NAXD: variants seen among roughly 807,000 people sequenced by gnomAD.
The protein encoded by NAXD is ATP-dependent (S)-NAD(P)H-hydrate dehydratase.
In NAXD, 22 loss-of-function variants were observed where a neutral mutation model predicts 35.8. The ratio of observed to expected loss-of-function variants is 0.62; its 90% CI spans 0.44 to 0.88. The LOEUF (loss-of-function observed/expected upper bound fraction) is 0.88. Ranked by LOEUF, NAXD falls within the 40% of genes least tolerant of loss-of-function variation. The pLI is 0.00. For missense variants in NAXD, 428 were observed against 437.7 expected, an observed-to-expected ratio of 0.98 and a Z score of 0.20; for synonymous variants, 189 against 177.6, an observed-to-expected ratio of 1.06 and a Z score of -0.51.
chr13:110,632,429 C>G (rs529149771), intron 5 of NAXD, among the ~76,000 whole-genome samples: 1 of 152,194 alleles, frequency 6.6e-6, no homozygotes, highest in Non-Finnish European at 1.5e-5. Context: ...CCAATGCTGG[C>G]TCGGGCAGCC....
At chr13:110,632,979 C>T (rs371162) in intron 5 of NAXD, among the ~76,000 whole-genome samples, 32,694 of 152,120 alleles carry the variant, frequency 0.21, 4,267 homozygotes, top group African/African-American at 0.37. Context: ...CAGTGGATCC[C>T]GCACCAGGGC....
At chr13:110,615,793 C>T in intron 1 of NAXD, 146 bp downstream of exon 1, 1 of 1,327,134 alleles carries the variant, frequency 7.5e-7, no homozygotes, top group Non-Finnish European at 9.6e-7. Flanking sequence ...CCGCTGACCG[C>T]CTCTGCTGGC....
chr13:110,634,800 G>C, intron 7 of NAXD, 24 bp downstream of exon 7: 1 of 1,564,990 alleles, frequency 6.4e-7, no homozygotes, highest in Non-Finnish European at 8.8e-7. Flanking sequence ...CCCCCTGGAG[G>C]GTAGATGCAA....
intron 1 of NAXD, among the ~76,000 whole-genome samples, chr13:110,620,075 A>C (rs978012436): frequency 6.6e-6 from 1 of 151,996 alleles, no homozygotes; most frequent in Non-Finnish European, 1.5e-5. Flanking sequence ...CTGAGATTAC[A>C]GCGGGGAGCC....
At chr13:110,630,868 T>C (rs1326779248) in intron 5 of NAXD, among the ~76,000 whole-genome samples, 2 of 152,222 alleles carry the variant, frequency 1.3e-5, no homozygotes, top group Non-Finnish European at 2.9e-5. Context: ...TGTTGATCTG[T>C]ACAGCTGTCC....
Position 110,628,015 on chromosome 13 carries a change from A to C in NAXD, c.441+468A>C, listed in dbSNP as rs1474797832. ...GACACGGGCCTGCTTGTCCGTGCCCACATGCATATGCGCATGGACTCTCAT... is the reference window on the plus strand; with the variant it reads ...GACACGGGCCTGCTTGTCCGTGCCCCCATGCATATGCGCATGGACTCTCAT... On this transcript the variant is annotated intron_variant, in intron 5 of 9. Coordinates refer to ENST00000680254, the MANE Select transcript of NAXD (RefSeq NM_001242882.2). This position sits in a 1 kb window ranked among gnomAD's most constrained non-coding sequence, Gnocchi z 4.1. Among the ~76,000 whole-genome samples, 1 of 152,198 alleles carries C rather than the reference A, an allele frequency of 6.6e-6. No homozygotes were observed. Among genetic ancestry groups the C allele is most frequent in the Non-Finnish European group, 1.5e-5 (1 of 68,028 alleles).
Position 110,627,447 on chromosome 13 carries a change from C to T in NAXD, c.341C>T (p.Pro114Leu). 1 of 1,612,698 alleles carries T rather than the reference C, an allele frequency of 6.2e-7. No homozygotes were observed. Among genetic ancestry groups the T allele is most frequent in the Non-Finnish European group, 8.5e-7 (1 of 1,178,732 alleles). The change falls in exon 5 of 10, where the codon CCC becomes CTC. Residue 114 changes from proline (P) to leucine (L), a missense_variant. Physicochemically the swap from Pro to Leu is moderately conservative, Grantham distance 98. Coordinates refer to ENST00000680254, the MANE Select transcript of NAXD (RefSeq NM_001242882.2). ...ELIVHPVLDSPNAVHEVEKWL... is the reference protein window; with the variant it reads ...ELIVHPVLDSLNAVHEVEKWL... ...TTCCTTTCCTTCTTTAGTGACAGCC[C>T]CAATGCTGTTCATGAGGTGGAGAAG...
intron 4 of NAXD, among the ~76,000 whole-genome samples, chr13:110,625,782 GA>G (rs1457265444): frequency 5.3e-5 from 8 of 152,264 alleles, no homozygotes; most frequent in African/African-American, 1.9e-4. Flanking sequence ...CTGAGGGCTT[GA>G]AATGTGGCTG....
chr13:110,626,593 A>T (rs924652970), intron 4 of NAXD, among the ~76,000 whole-genome samples: 9 of 152,112 alleles, frequency 5.9e-5, no homozygotes, highest in African/African-American at 1.4e-4. Context: ...TGGCACTCAG[A>T]TGCTGGGAGC....
intron 7 of NAXD, among the ~76,000 whole-genome samples, chr13:110,634,992 G>T (rs1886869054): frequency 6.6e-6 from 1 of 152,096 alleles, no homozygotes. Flanking sequence ...ACTCGGGTCA[G>T]TCAGCCCCTC....
rs765861319 is a variant in NAXD, at chr13:110,634,805, A to C, written c.597+29A>C. On this transcript the variant is annotated intron_variant, in intron 7 of 9. Coordinates refer to ENST00000680254, the MANE Select transcript of NAXD (RefSeq NM_001242882.2). ...AGTCAGTGGACCCCCTGGAGGGTAG[A>C]TGCAAGCCCTGTTCGTCCTGAAGAG... 25 of 1,545,052 alleles carry C rather than the reference A, an allele frequency of 1.6e-5. 1 individual carries two copies. In the South Asian group the frequency reaches 2.8e-4, roughly 17 times the overall value.
At chr13:110,615,674 G>A (rs1403667446) in intron 1 of NAXD, 27 bp downstream of exon 1, 1 of 1,524,286 alleles carries the variant, frequency 6.6e-7, no homozygotes. Flanking sequence ...TTGGCCCGGG[G>A]ATGGTCACAC....
chr13:110,627,430 C>A lies in NAXD; in HGVS notation c.333-9C>A. ...GGGTAACCATCCTGGCCTTCCTTTC[C>A]TTCTTTAGTGACAGCCCCAATGCTG... On this transcript the variant is annotated splice_polypyrimidine_tract_variant and intron_variant, in intron 4 of 9. Coordinates refer to ENST00000680254, the MANE Select transcript of NAXD (RefSeq NM_001242882.2). The A allele has an allele frequency of 6.2e-7, 1 of 1,605,368 alleles. No individual in the cohort carries two copies. The highest frequency in any genetic ancestry group is 8.5e-7 in the Non-Finnish European group (1 of 1,172,872).
intron 4 of NAXD, among the ~76,000 whole-genome samples, chr13:110,625,521 C>T (rs1363812328): frequency 1.3e-5 from 2 of 152,198 alleles, no homozygotes; most frequent in Non-Finnish European, 2.9e-5. Context: ...GGGCCCAGCT[C>T]CAGAGGCAGG....
intron 2 of NAXD, among the ~76,000 whole-genome samples, chr13:110,623,790 G>T (rs1321184353): frequency 5.3e-5 from 8 of 152,202 alleles, no homozygotes; most frequent in Admixed American, 4.6e-4. Flanking sequence ...ATCACCTGAG[G>T]TTGGGAGTTT....
Position 110,638,382 on chromosome 13 carries a change from A to T in NAXD, c.844A>T (p.Ser282Cys). Reference protein sequence around the residue: ...LAGPQKTNGSSPLLVAAFGAC... With the variant: ...LAGPQKTNGSCPLLVAAFGAC... ...CTGCTGTCCCCCTCTCCGCAGGTCC[A>T]GCCCTCTCCTGGTGGCCGCGTTTGG... is the stretch of plus-strand genomic sequence containing the variant. The change falls in exon 10 of 10, where the codon AGC becomes TGC. Residue 282 changes from serine to cysteine, a missense_variant. This residue lies in a region of NAXD where 209 missense variants were observed against 214.6 expected (regional missense o/e 0.97). Transcript: ENST00000680254. This position sits in a 1 kb window ranked among gnomAD's most constrained non-coding sequence, Gnocchi z 5.4. 6.2e-7 allele frequency: 1 copy of T among 1,613,754 alleles called. No individual in the cohort carries two copies. The highest frequency in any genetic ancestry group is 8.5e-7 in the Non-Finnish European group (1 of 1,179,990).
intron 1 of NAXD, among the ~76,000 whole-genome samples, chr13:110,621,688 C>CT (rs1286782064): frequency 1.7e-4 from 25 of 147,404 alleles, no homozygotes; most frequent in African/African-American, 6.3e-4. Flanking sequence ...GAGCTAGACT[C>CT]TGTCTCAAAT....
At chr13:110,633,661 A>G (rs1358867772) in intron 5 of NAXD, among the ~76,000 whole-genome samples, 1 of 152,122 alleles carries the variant, frequency 6.6e-6, no homozygotes, top group African/African-American at 2.4e-5. Context: ...GGATCACTTT[A>G]CATGCTACTG....
intron 5 of NAXD, among the ~76,000 whole-genome samples, chr13:110,633,344 A>T (rs879858031): frequency 6.6e-6 from 1 of 152,112 alleles, no homozygotes; most frequent in Non-Finnish European, 1.5e-5. Flanking sequence ...CGCCAAGCCC[A>T]CGCCCACCCG....
Sources: gnomAD v4.1 joint callset for allele counts (sites outside exome capture counted in the v4.1 genomes callset) on GRCh38, gnomAD v4.1.1 for gene constraint, gnomAD v4.1.1 regional missense constraint, Gnocchi (gnomAD v3.1) non-coding constraint, MANE v1.5 for transcripts, NCBI Gene and HGNC (gene_info 2026-07-23, HGNC 2026-07-21) for gene names.